The following MAP3K15 variants were observed in gnomAD, a reference collection of about 807,000 sequenced individuals.
MAP3K15 encodes the protein MAPK/ERK kinase kinase 15.
In MAP3K15, 124 loss-of-function variants were observed where a neutral mutation model predicts 99.5. That is an observed-to-expected ratio of 1.25 (90% confidence interval 1.08 to 1.45). The LOEUF is 1.45. Ranked by LOEUF, MAP3K15 falls within the 40% of genes most tolerant of loss-of-function variation. MAP3K15 has a pLI of 0.00. For synonymous variants in MAP3K15, 494 were observed against 439.6 expected (o/e 1.12, Z -1.55); for missense variants, 1,242 against 1,079.7 (o/e 1.15, Z -2.11).
chrX:19,401,736 G>A (rs1271913284), intron 13 of MAP3K15, among the ~76,000 whole-genome samples: 1 of 105,531 alleles, frequency 9.5e-6, no homozygotes, highest in African/African-American at 3.9e-5. Context: ...GGCCACGTGG[G>A]CCACTTCCTA....
rs769658516 is a variant in MAP3K15, at chrX:19,450,112, A to G, written c.995+6801T>C. Among the ~76,000 whole-genome samples the G allele has an allele frequency of 3.9e-4, 43 of 109,842 alleles. 1 individual carries two copies. The highest frequency in any genetic ancestry group is 3.7e-3 in the Admixed American group (38 of 10,363). Reference sequence around the variant, plus strand: ...GTTAAATTACTTGACCACGGCCATAACAATAAAGTACAGAAGCAGGAACTG... The same window carrying G: ...GTTAAATTACTTGACCACGGCCATAGCAATAAAGTACAGAAGCAGGAACTG... On this transcript the variant is annotated intron_variant, in intron 6 of 28. Coordinates refer to ENST00000338883, the MANE Select transcript of MAP3K15 (RefSeq NM_001001671.4).
intron 25 of MAP3K15, among the ~76,000 whole-genome samples, chrX:19,366,546 G>A (rs1186887217): frequency 9.0e-6 from 1 of 111,717 alleles, no homozygotes; most frequent in Non-Finnish European, 1.9e-5. Flanking sequence ...CTGTTCTCAT[G>A]GTACTGAATA....
intron 19 of MAP3K15, among the ~76,000 whole-genome samples, chrX:19,376,392 A>G (rs2063417598): frequency 9.2e-6 from 1 of 109,085 alleles, no homozygotes; most frequent in African/African-American, 3.4e-5. Flanking sequence ...TCCCCGAGGC[A>G]TTCCCCTGGG....
chrX:19,419,306 G>A lies in MAP3K15; in HGVS notation c.1440-4049C>T, dbSNP rs1288681710. Among the ~76,000 whole-genome samples, 13 of 110,223 alleles carry A rather than the reference G, an allele frequency of 1.2e-4. No homozygotes were observed. The East Asian group carries it at 3.7e-3, about 31-fold the overall frequency. ...ATTCAGGAAACCCATCTCACGTGCA[G>A]AGACACACATAGGCTCAAAATAAAC... On this transcript the variant is annotated intron_variant, in intron 9 of 28. Transcript: ENST00000338883.
chrX:19,483,199 A>G (rs1226752875), intron 3 of MAP3K15, among the ~76,000 whole-genome samples: 11 of 105,808 alleles, frequency 1.0e-4, no homozygotes, highest in Non-Finnish European at 1.9e-5. Flanking sequence ...CAGAGGTTGC[A>G]GTGAGCCAAG....
chrX:19,473,611 A>G (rs920824907), intron 3 of MAP3K15, among the ~76,000 whole-genome samples: 4 of 111,998 alleles, frequency 3.6e-5, no homozygotes, highest in South Asian at 3.7e-4. Flanking sequence ...ACACTCTCCA[A>G]ATATTTCCAA....
intron 25 of MAP3K15, among the ~76,000 whole-genome samples, chrX:19,365,014 G>A (rs2063324618): frequency 9.1e-6 from 1 of 110,079 alleles, no homozygotes; most frequent in African/African-American, 3.3e-5. Context: ...GACCAGCCTG[G>A]CCAATATGGT....
chrX:19,395,285 T>A, intron 15 of MAP3K15, 77 bp from the exon 16 acceptor site: 1 of 989,126 alleles, frequency 1.0e-6, no homozygotes, highest in Non-Finnish European at 1.4e-6. Context: ...CACCAGGACC[T>A]GCCCCACTGC....
At chrX:19,490,209 T>C (rs181586971) in intron 1 of MAP3K15, among the ~76,000 whole-genome samples, 301 of 106,338 alleles carry the variant, frequency 2.8e-3, no homozygotes, top group Non-Finnish European at 5.2e-3. Context: ...TCCTTAACAG[T>C]ATATTGCTCA....
chrX:19,426,107 G>T, intron 8 of MAP3K15, 124 bp downstream of exon 8: 2 of 400,408 alleles, frequency 5.0e-6, no homozygotes, highest in South Asian at 4.7e-5. Flanking sequence ...GGGCAACCGA[G>T]CAAGACTCTG....
intron 3 of MAP3K15, among the ~76,000 whole-genome samples, chrX:19,469,755 C>G (rs1367584619): frequency 9.0e-6 from 1 of 111,293 alleles, no homozygotes; most frequent in Admixed American, 9.5e-5. Context: ...TGAACAGACA[C>G]TTCTCAAAAG....
chrX:19,370,830 C>T (rs1271727046), intron 24 of MAP3K15, 129 bp downstream of exon 24: 2 of 538,711 alleles, frequency 3.7e-6, no homozygotes, highest in Non-Finnish European at 6.3e-6. Context: ...TCTATGACAA[C>T]ATGCATTTAA....
At chrX:19,493,545 T>C (rs1239511047) in intron 1 of MAP3K15, among the ~76,000 whole-genome samples, 1 of 111,442 alleles carries the variant, frequency 9.0e-6, no homozygotes, top group East Asian at 2.8e-4. Flanking sequence ...GATTTATAAA[T>C]TGTTAATTGT....
Position 19,372,639 on chromosome X carries a change from C to T in MAP3K15, c.3108+14G>A. ...GGGAGCGGGAAGAGTCGGTGCCCTCCCTCGGGCAAATACCTGGGCCACACA... is the reference window on the plus strand; with the variant it reads ...GGGAGCGGGAAGAGTCGGTGCCCTCTCTCGGGCAAATACCTGGGCCACACA... On this transcript the variant is annotated intron_variant, in intron 22 of 28. Coordinates refer to ENST00000338883, the MANE Select transcript of MAP3K15 (RefSeq NM_001001671.4). 1.7e-6 allele frequency: 2 copies of T among 1,191,943 alleles called. No homozygotes were observed. The highest frequency in any genetic ancestry group is 2.3e-6 in the Non-Finnish European group (2 of 882,454).
rs779066711 is a variant in MAP3K15 at position 19,506,674 on chromosome X, C to T, written c.361+8227G>A. 1.9e-4 allele frequency among the ~76,000 whole-genome samples: 21 copies of T among 110,639 alleles called. No homozygotes were observed. In the Admixed American group the frequency reaches 1.9e-3, roughly 10 times the overall value. ...AGTAGCTGGGATTACAGGTGTGTGC[C>T]ATCATGCCCAGCTAATTTTTTGTAT... is the stretch of plus-strand genomic sequence containing the variant. On this transcript the variant is annotated intron_variant, in intron 1 of 28. Coordinates refer to ENST00000338883, the MANE Select transcript of MAP3K15 (RefSeq NM_001001671.4).
chrX:19,398,383 C>CA lies in MAP3K15; in HGVS notation c.1933-25dup, dbSNP rs774505051. The stretch of plus-strand genomic sequence containing the variant: ...TACTGAAGAAGGAAAAACAAAAGGA[C>CA]AAAAAAGCATACAACTTGTAGCGGA... On this transcript the variant is annotated intron_variant, in intron 14 of 28. Coordinates refer to ENST00000338883, the MANE Select transcript of MAP3K15 (RefSeq NM_001001671.4). The CA allele has an allele frequency of 4.3e-5, 52 of 1,204,996 alleles. No individual in the cohort carries two copies. The African/African-American group carries it at 6.8e-4, about 16-fold the overall frequency.
chrX:19,430,567 T>C (rs1468314698), intron 7 of MAP3K15, among the ~76,000 whole-genome samples: 1 of 111,992 alleles, frequency 8.9e-6, no homozygotes, highest in South Asian at 3.7e-4. Context: ...CCCTAAAATA[T>C]ATTCTTTGCA....
At chrX:19,498,958 T>C (rs1437450232) in intron 1 of MAP3K15, among the ~76,000 whole-genome samples, 1 of 112,186 alleles carries the variant, frequency 8.9e-6, no homozygotes, top group Non-Finnish European at 1.9e-5. Flanking sequence ...ACGAAGAGCT[T>C]CTGCTCATCA....
chrX:19,471,409 A>C (rs1055174412), intron 3 of MAP3K15, among the ~76,000 whole-genome samples: 18 of 110,522 alleles, frequency 1.6e-4, no homozygotes, highest in African/African-American at 4.6e-4. Flanking sequence ...GGATTAAGGC[A>C]TGCACCACCA....
Sources: gnomAD v4.1 joint callset for allele counts (sites outside exome capture counted in the v4.1 genomes callset) on GRCh38, gnomAD v4.1.1 for gene constraint, MANE v1.5 for transcripts, NCBI Gene and HGNC (gene_info 2026-07-23, HGNC 2026-07-21) for gene names.